The following RYK variants were observed in gnomAD, a reference collection of about 807,000 sequenced individuals.
RYK encodes inactive tyrosine-protein kinase RYK.
Under a neutral mutation model 70.2 loss-of-function variants are expected in RYK, and 21 were observed. The ratio of observed to expected loss-of-function variants is 0.30; its 90% CI spans 0.21 to 0.43. The LOEUF is 0.43. Ranked by LOEUF, RYK falls within the 20% of genes least tolerant of loss-of-function variation. RYK has a pLI of 1.00. For missense variants in RYK, 604 were observed against 753.3 expected (o/e 0.80, Z 2.32); for synonymous variants, 267 against 278.0 (o/e 0.96, Z 0.39).
intron 2 of RYK, among the ~76,000 whole-genome samples, chr3:134,212,272 G>A (rs914682225): frequency 3.3e-5 from 5 of 152,234 alleles, no homozygotes; most frequent in African/African-American, 1.2e-4. Flanking sequence ...CCTACCCAAT[G>A]TGGCTTAACA....
At position 134,160,787 on chromosome 3, in the gene RYK, G is replaced by A. The variant is rs149111250; in HGVS notation, c.1576-1414C>T. Reference sequence around the variant, plus strand: ...GGAGAATCGCTTAAACCCGGGAGGCGGAGGTTGCGGTGAGCCGAGATCGCG... The same window carrying A: ...GGAGAATCGCTTAAACCCGGGAGGCAGAGGTTGCGGTGAGCCGAGATCGCG... On this transcript the variant is annotated intron_variant, in intron 13 of 14. Transcript: ENST00000623711. 3.7e-3 allele frequency among the ~76,000 whole-genome samples: 568 copies of A among 152,284 alleles called. 1 individual carries two copies. The highest frequency in any genetic ancestry group is 6.3e-3 in the Non-Finnish European group (427 of 68,026).
chr3:134,228,940 A>ATG (rs1333304269), intron 1 of RYK, among the ~76,000 whole-genome samples: 1 of 152,218 alleles, frequency 6.6e-6, no homozygotes, highest in Non-Finnish European at 1.5e-5. Context: ...CAGCAGAGAT[A>ATG]TGTATCAAAA....
intron 13 of RYK, among the ~76,000 whole-genome samples, chr3:134,174,690 A>G (rs555959545): frequency 6.6e-6 from 1 of 152,342 alleles, no homozygotes; most frequent in Admixed American, 6.5e-5. Flanking sequence ...AGTCTTCCAA[A>G]TAAGACTAAG....
intron 6 of RYK, among the ~76,000 whole-genome samples, chr3:134,201,987 T>A (rs1416912715): frequency 6.6e-6 from 1 of 152,236 alleles, no homozygotes; most frequent in African/African-American, 2.4e-5. Flanking sequence ...TCACTGAGGC[T>A]GGACAAGCAC....
At chr3:134,230,136 T>C (rs1012560596) in intron 1 of RYK, among the ~76,000 whole-genome samples, 4 of 152,190 alleles carry the variant, frequency 2.6e-5, no homozygotes, top group African/African-American at 7.2e-5. Context: ...AGTCTCACTA[T>C]GTTGCCCAGG....
At position 134,188,544 on chromosome 3, in the gene RYK, C is replaced by T. The variant is rs189365576; in HGVS notation, c.1102+293G>A. On this transcript the variant is annotated intron_variant, in intron 9 of 14. Transcript: ENST00000623711. ...CCTGCAAAAGTATACCAACACTAAA[C>T]ATAGTAACAATGAAATCAAGTGGAT... is the stretch of plus-strand genomic sequence containing the variant. Among the ~76,000 whole-genome samples the T allele has an allele frequency of 6.7e-4, 102 of 152,306 alleles. 1 individual carries two copies. Among genetic ancestry groups the T allele is most frequent in the Non-Finnish European group, 1.1e-3 (72 of 68,022 alleles).
At chr3:134,196,810 G>C (rs912787243) in intron 6 of RYK, among the ~76,000 whole-genome samples, 1 of 152,038 alleles carries the variant, frequency 6.6e-6, no homozygotes, top group East Asian at 1.9e-4. Context: ...AACATCTGTA[G>C]AAAGTCATAG....
chr3:134,224,216 G>A (rs2014819187), intron 1 of RYK, among the ~76,000 whole-genome samples: 1 of 152,164 alleles, frequency 6.6e-6, no homozygotes, highest in Non-Finnish European at 1.5e-5. Flanking sequence ...GTTATTTATT[G>A]TATACAAGGC....
chr3:134,248,701 G>A (rs923928313), intron 1 of RYK, among the ~76,000 whole-genome samples: 1 of 151,946 alleles, frequency 6.6e-6, no homozygotes, highest in Non-Finnish European at 1.5e-5. Context: ...GGGAGGCTGA[G>A]GCAGGTGAAT....
At position 134,249,474 on chromosome 3, in the gene RYK, CATA is replaced by C. The variant is rs202084630; in HGVS notation, c.232+946_232+948del. ...CCTTCAGATGAAATAAAGATACTGCCATAATAACAAAAGAATGCAAACGTCTAG... is the reference window on the plus strand; with the variant it reads ...CCTTCAGATGAAATAAAGATACTGCCATAACAAAAGAATGCAAACGTCTAG... On this transcript the variant is annotated intron_variant, in intron 1 of 14. Coordinates refer to ENST00000623711, the MANE Select transcript of RYK (RefSeq NM_002958.4). 3.0e-3 allele frequency among the ~76,000 whole-genome samples: 453 copies of C among 152,202 alleles called. 3 individuals carry two copies. The highest frequency in any genetic ancestry group is 9.9e-3 in the African/African-American group (411 of 41,528).
intron 5 of RYK, among the ~76,000 whole-genome samples, chr3:134,203,651 A>G (rs2014100844): frequency 6.6e-6 from 1 of 152,224 alleles, no homozygotes; most frequent in African/African-American, 2.4e-5. Flanking sequence ...AAAAGAAAGA[A>G]AAAAGATTTT....
chr3:134,190,281 CT>C (rs1175646542), intron 8 of RYK, among the ~76,000 whole-genome samples: 3 of 152,190 alleles, frequency 2.0e-5, no homozygotes, highest in Non-Finnish European at 4.4e-5. Context: ...CCTTGCTTGA[CT>C]GAGCTTCTTA....
rs539076738 is a variant in RYK, at chr3:134,216,382, G to A, written c.355-4775C>T. On this transcript the variant is annotated intron_variant, in intron 2 of 14. Coordinates refer to ENST00000623711, the MANE Select transcript of RYK (RefSeq NM_002958.4). The stretch of plus-strand genomic sequence containing the variant: ...TGCTGGAACTCTGGACAAGTTCCCT[G>A]CAACTCCTAGAAAATGATGACGAAT... 2.6e-5 allele frequency among the ~76,000 whole-genome samples: 4 copies of A among 152,250 alleles called. No homozygotes were observed. The South Asian group carries it at 8.3e-4, about 32-fold the overall frequency.
intron 6 of RYK, among the ~76,000 whole-genome samples, chr3:134,201,792 G>C (rs1160556194): frequency 1.3e-5 from 2 of 152,190 alleles, no homozygotes; most frequent in Non-Finnish European, 2.9e-5. Context: ...CAAAGAGTAT[G>C]GATGATACGT....
At chr3:134,204,591 C>CCACAGCCACACACACA (rs58130864) in intron 5 of RYK, among the ~76,000 whole-genome samples, 2,103 of 140,732 alleles carry the variant, frequency 0.015, 29 homozygotes, top group East Asian at 0.056. Context: ...ACAGCCACAG[C>CCACAGCCACACACACA]CACACACACA....
intron 14 of RYK, 115 bp downstream of exon 14, chr3:134,159,122 A>T: frequency 9.2e-7 from 1 of 1,091,264 alleles, no homozygotes; most frequent in Non-Finnish European, 1.4e-6. Context: ...AAATCCAAAG[A>T]GTCATTATTC....
chr3:134,193,227 A>G (rs2013703211), intron 7 of RYK, among the ~76,000 whole-genome samples: 2 of 150,344 alleles, frequency 1.3e-5, no homozygotes, highest in Non-Finnish European at 3.0e-5. Context: ...TCTGTTGCCT[A>G]GGCTGGAGTG....
intron 4 of RYK, 137 bp from the exon 5 acceptor site, chr3:134,207,662 CTG>C (rs1473072922): frequency 3.4e-6 from 2 of 587,328 alleles, no homozygotes; most frequent in Admixed American, 6.4e-5. Flanking sequence ...TGTTACTATT[CTG>C]ATAATCACCA....
At chr3:134,220,714 AT>A (rs2014709123) in intron 2 of RYK, among the ~76,000 whole-genome samples, 1 of 152,092 alleles carries the variant, frequency 6.6e-6, no homozygotes, top group African/African-American at 2.4e-5. Flanking sequence ...ATTAACACAC[AT>A]TTTTTTCTGT....
Sources: gnomAD v4.1 joint callset for allele counts (sites outside exome capture counted in the v4.1 genomes callset) on GRCh38, gnomAD v4.1.1 for gene constraint, MANE v1.5 for transcripts, NCBI Gene and HGNC (gene_info 2026-07-23, HGNC 2026-07-21) for gene names.